Variants in RXRA observed in about 807,000 individuals in gnomAD.
RXRA encodes retinoid X receptor alpha.
A neutral mutation model predicts 44.5 loss-of-function variants in RXRA; 5 were observed. The ratio of observed to expected loss-of-function variants is 0.11; its 90% CI spans 0.06 to 0.24. The LOEUF (loss-of-function observed/expected upper bound fraction) is 0.24. Ranked by LOEUF, RXRA falls within the 10% of genes least tolerant of loss-of-function variation. The pLI, the probability that RXRA is intolerant of heterozygous loss-of-function variation, is 1.00. For missense variants in RXRA, 412 were observed against 646.5 expected (o/e 0.64, Z 3.93); for synonymous variants, 291 against 271.4 (o/e 1.07, Z -0.71).
At chr9:134,411,922 C>A (rs966178951) in intron 4 of RXRA, among the ~76,000 whole-genome samples, 2 of 152,154 alleles carry the variant, frequency 1.3e-5, no homozygotes, top group African/African-American at 4.8e-5. Context: ...AGTAACGGGG[C>A]CCCTGGTGCA....
At chr9:134,425,824 T>G (rs1831425317) in intron 6 of RXRA, 1 of 985,216 alleles carries the variant, frequency 1.0e-6, no homozygotes, top group South Asian at 4.7e-5. Flanking sequence ...GGGGGGGCCC[T>G]GCCCTGCCTT....
intron 9 of RXRA, among the ~76,000 whole-genome samples, chr9:134,435,304 C>T (rs1831600287): frequency 2.0e-5 from 3 of 152,200 alleles, no homozygotes; most frequent in South Asian, 4.1e-4. Flanking sequence ...GTTCCGTCCC[C>T]ATAGCACCCT....
At chr9:134,400,244 C>T (rs904465037) in intron 1 of RXRA, among the ~76,000 whole-genome samples, 2 of 152,166 alleles carry the variant, frequency 1.3e-5, no homozygotes, top group African/African-American at 2.4e-5. Flanking sequence ...TGGCACCCAG[C>T]GAGTGAGCCA....
rs1033689195 is a variant in RXRA at position 134,417,505 on chromosome 9, T to A, written c.780+178T>A. Among the ~76,000 whole-genome samples, 3 of 152,074 alleles carry A rather than the reference T, an allele frequency of 2.0e-5. No individual in the cohort carries two copies. Among genetic ancestry groups the A allele is most frequent in the African/African-American group, 7.2e-5 (3 of 41,434 alleles). On this transcript the variant is annotated intron_variant, in intron 5 of 9. Transcript: ENST00000481739. The surrounding 1 kb of genome is among the most constrained non-coding windows in gnomAD (Gnocchi z 6.1). Reference sequence around the variant, plus strand: ...GACCCCGTGGGCCCCTCGCCCCAGCTGGGCGGCACTCTCCTCTCCTGGCCC... The same window carrying A: ...GACCCCGTGGGCCCCTCGCCCCAGCAGGGCGGCACTCTCCTCTCCTGGCCC...
At chr9:134,326,686 A>G (rs1285863960) in intron 1 of RXRA, 27 bp downstream of exon 1, 1 of 797,406 alleles carries the variant, frequency 1.3e-6, no homozygotes, top group Non-Finnish European at 1.5e-6. Context: ...CCGGGCGGGG[A>G]CGGGGCCGGG....
chr9:134,425,664 G>A, intron 6 of RXRA: 1 of 985,216 alleles, frequency 1.0e-6, no homozygotes, highest in African/African-American at 1.7e-5. Flanking sequence ...CCCCTGTGGG[G>A]ACAGCACACC....
rs111943755 is a variant in RXRA, at chr9:134,438,431, G to C, written c.*1817G>C. 4 of 152,380 alleles carry C rather than the reference G, an allele frequency of 2.6e-5. No homozygotes were observed. Among genetic ancestry groups the C allele is most frequent in the African/African-American group, 9.6e-5 (4 of 41,582 alleles). 9.4% of individuals were successfully genotyped at this position (152,380 alleles called of 1,614,324 possible). On this transcript the variant is annotated 3_prime_UTR_variant, in exon 10 of 10. Transcript: ENST00000481739. The stretch of plus-strand genomic sequence containing the variant: ...GCAGCTGAGTCTGTGCCCGAGACAG[G>C]CTGTCAGAGATTCCAGAAGCCTCTC...
rs1831632891 is a variant in RXRA, at chr9:134,436,927, A to G, written c.*313A>G. The G allele has an allele frequency of 5.9e-6, 2 of 340,566 alleles. No individual in the cohort carries two copies. The highest frequency in any genetic ancestry group is 1.1e-5 in the Non-Finnish European group (2 of 184,804). 21.1% of individuals were successfully genotyped at this position (340,566 alleles called of 1,614,324 possible). A position where few individuals can be genotyped will look rare whatever the true frequency, so the allele number is the denominator to read the frequency against. On this transcript the variant is annotated 3_prime_UTR_variant, in exon 10 of 10. Coordinates refer to ENST00000481739, the MANE Select transcript of RXRA (RefSeq NM_002957.6). ...CACACCCCACGGGGCTTGGGCGACT[A>G]CAGGGTCTTCGGGCCCCAGCCCTGG...
intron 1 of RXRA, among the ~76,000 whole-genome samples, chr9:134,382,801 G>A (rs778702494): frequency 3.3e-5 from 5 of 152,180 alleles, no homozygotes; most frequent in Non-Finnish European, 7.4e-5. Flanking sequence ...GAGCTGGTCC[G>A]GGGTGGCCTC....
intron 5 of RXRA, among the ~76,000 whole-genome samples, chr9:134,420,940 G>A (rs1831319749): frequency 6.6e-6 from 1 of 152,206 alleles, no homozygotes; most frequent in South Asian, 2.1e-4. Context: ...TGGTATCTCA[G>A]CCGAGGCTCC....
In RXRA at chr9:134,341,190, C is replaced by T. The variant is rs532063226; in HGVS notation, c.28+14531C>T. ...AGTGTGTGCCCAGCACAGCATGGCA[C>T]GCTCCCTCGTTCCCTGCACCCCAGT... On this transcript the variant is annotated intron_variant, in intron 1 of 9. Coordinates refer to ENST00000481739, the MANE Select transcript of RXRA (RefSeq NM_002957.6). Among the ~76,000 whole-genome samples, 7 of 152,318 alleles carry T rather than the reference C, an allele frequency of 4.6e-5. No homozygotes were observed. In the East Asian group the frequency reaches 7.7e-4, roughly 17 times the overall value.
chr9:134,335,164 C>T (rs1181106341), intron 1 of RXRA, among the ~76,000 whole-genome samples: 1 of 152,202 alleles, frequency 6.6e-6, no homozygotes, highest in Non-Finnish European at 1.5e-5. Context: ...CATTAGGCAC[C>T]TCTCACTGAT....
At chr9:134,347,951 C>T (rs1554749025) in intron 1 of RXRA, among the ~76,000 whole-genome samples, 1 of 151,996 alleles carries the variant, frequency 6.6e-6, no homozygotes, top group Non-Finnish European at 1.5e-5. Context: ...ACCCCAGGGG[C>T]AGGAGGGGAG....
At chr9:134,406,134 G>A (rs1035339609) in intron 2 of RXRA, 8 of 152,312 alleles carry the variant, frequency 5.3e-5, no homozygotes, top group African/African-American at 1.9e-4. Context: ...GTGGCTCAAC[G>A]CCTGTAATCC....
At chr9:134,423,191 G>A (rs1276792718) in intron 6 of RXRA, 1 of 985,336 alleles carries the variant, frequency 1.0e-6, no homozygotes, top group Non-Finnish European at 1.2e-6. Flanking sequence ...GTGAGGCCAG[G>A]CTGTTAGTGG....
chr9:134,346,566 C>G (rs1830155168), intron 1 of RXRA, among the ~76,000 whole-genome samples: 1 of 152,202 alleles, frequency 6.6e-6, no homozygotes, highest in Non-Finnish European at 1.5e-5. Flanking sequence ...GACCTGGGCT[C>G]TGGGGACTAG....
intron 1 of RXRA, among the ~76,000 whole-genome samples, chr9:134,332,077 T>C (rs1252132501): frequency 2.0e-5 from 3 of 151,848 alleles, no homozygotes; most frequent in Admixed American, 6.6e-5. Flanking sequence ...GAAGGCCCTC[T>C]AAGGAGTGGC....
chr9:134,434,133 G>A lies in RXRA; in HGVS notation c.1167G>A (p.Val389=). The A allele has an allele frequency of 6.2e-7, 1 of 1,613,788 alleles. No individual in the cohort carries two copies. Among genetic ancestry groups the A allele is most frequent in the Non-Finnish European group, 8.5e-7 (1 of 1,179,908 alleles). The change falls in exon 9 of 10, where the codon GTG becomes GTA. Residue 389 remains valine, a synonymous_variant. Coordinates refer to ENST00000481739, the MANE Select transcript of RXRA (RefSeq NM_002957.6). ...AGGGGCTCTCGAACCCGGCCGAGGT[G>A]GAGGCGCTGAGGGAGAAGGTCTATG... The part of the protein sequence containing the change: ...DSKGLSNPAE[V]EALREKVYAS...
chr9:134,399,129 G>C (rs1264385368), intron 1 of RXRA, among the ~76,000 whole-genome samples: 1 of 152,266 alleles, frequency 6.6e-6, no homozygotes, highest in Non-Finnish European at 1.5e-5. Flanking sequence ...CTGAGGCTTG[G>C]TAAAGGAAGA....
Sources: allele counts gnomAD v4.1 joint callset (sites outside exome capture counted in the v4.1 genomes callset), GRCh38; gene constraint gnomAD v4.1.1; non-coding constraint Gnocchi (gnomAD v3.1); transcripts MANE v1.5; gene names NCBI Gene and HGNC (gene_info 2026-07-23, HGNC 2026-07-21).